The following CDS2 variants were observed in gnomAD, a reference collection of about 807,000 sequenced individuals.
CDS2 encodes phosphatidate cytidylyltransferase 2.
In CDS2, 47 loss-of-function variants were observed where a neutral mutation model predicts 59.0. The observed-to-expected ratio is 0.80, with a 90% CI of 0.63 to 1.02. The LOEUF is 1.02. Among genes scored for constraint, CDS2 ranks in the 50% least tolerant of loss-of-function variants. The probability of loss-of-function intolerance (pLI) is 0.00; values close to 1 mark genes in which losing one functional copy is unlikely to be tolerated. For synonymous variants in CDS2, 207 were observed against 206.4 expected, an observed-to-expected ratio of 1.00 and a Z score of -0.02; for missense variants, 356 against 558.9, an observed-to-expected ratio of 0.64 and a Z score of 3.66.
At chr20:5,143,511 A>G (rs181254010) in intron 1 of CDS2, among the ~76,000 whole-genome samples, 3 of 152,344 alleles carry the variant, frequency 2.0e-5, no homozygotes, top group East Asian at 1.9e-4. Flanking sequence ...TGTTCTTTGT[A>G]GTAGCCCCAA....
intron 1 of CDS2, among the ~76,000 whole-genome samples, chr20:5,163,631 T>C (rs938960100): frequency 6.6e-6 from 1 of 152,218 alleles, no homozygotes; most frequent in Non-Finnish European, 1.5e-5. Flanking sequence ...ACTTTTTGTT[T>C]ATTATTTTAA....
At chr20:5,168,537 C>T (rs989928395) in intron 1 of CDS2, 6 of 502,680 alleles carry the variant, frequency 1.2e-5, no homozygotes, top group Admixed American at 1.0e-4. Context: ...TGGGCACAGC[C>T]ACACTTTTTT....
chr20:5,142,034 T>C (rs2090698651), intron 1 of CDS2, among the ~76,000 whole-genome samples: 1 of 152,232 alleles, frequency 6.6e-6, no homozygotes, highest in Non-Finnish European at 1.5e-5. Flanking sequence ...TAAAAGACTT[T>C]AGGTGCTGGT....
chr20:5,138,697 G>C (rs2090668293), intron 1 of CDS2, among the ~76,000 whole-genome samples: 1 of 151,970 alleles, frequency 6.6e-6, no homozygotes, highest in African/African-American at 2.4e-5. Flanking sequence ...CACTGGCCAG[G>C]CTGGTGTCGA....
At chr20:5,130,858 G>T (rs1364152223) in intron 1 of CDS2, among the ~76,000 whole-genome samples, 1 of 151,968 alleles carries the variant, frequency 6.6e-6, no homozygotes, top group African/African-American at 2.4e-5. Context: ...TTGGGAGGAC[G>T]AGGCGGGTGG....
At position 5,145,822 on chromosome 20, in the gene CDS2, G is replaced by GTT. The variant is rs11470811; in HGVS notation, c.57+18691_57+18692dup. ...CCAAGTTGTGTGTTTTGCTTTTTGT[G>GTT]TTTTTTTTTTTTTTTTTTTGAGACA... On this transcript the variant is annotated intron_variant, in intron 1 of 12. Transcript: ENST00000460006. Among the ~76,000 whole-genome samples the GTT allele has an allele frequency of 2.2e-3, 287 of 129,246 alleles. 2 individuals are homozygous for GTT. Among genetic ancestry groups the GTT allele is most frequent in the South Asian group, 4.5e-3 (18 of 4,012 alleles). 84.8% of individuals were successfully genotyped at this position (129,246 alleles called of 152,430 possible).
chr20:5,145,247 C>T (rs866385395), intron 1 of CDS2, among the ~76,000 whole-genome samples: 3 of 118,502 alleles, frequency 2.5e-5, no homozygotes, highest in Non-Finnish European at 5.3e-5. Flanking sequence ...CCCCCCCCCC[C>T]GCCCCCGCCA....
intron 5 of CDS2, among the ~76,000 whole-genome samples, chr20:5,179,516 C>A (rs575206147): frequency 2.9e-4 from 44 of 152,340 alleles, no homozygotes; most frequent in African/African-American, 9.9e-4. Flanking sequence ...AGGAACAGCA[C>A]AGCATGGTCC....
intron 1 of CDS2, among the ~76,000 whole-genome samples, chr20:5,141,450 T>TG (rs143359277): frequency 0.025 from 3,789 of 152,204 alleles, 53 homozygotes; most frequent in South Asian, 0.037. Flanking sequence ...GAACACATGC[T>TG]GGGGGGGTGG....
intron 2 of CDS2, among the ~76,000 whole-genome samples, chr20:5,174,172 G>C (rs999752647): frequency 1.3e-5 from 2 of 152,164 alleles, no homozygotes; most frequent in Non-Finnish European, 2.9e-5. Context: ...TTGAGAACCT[G>C]GTTCTTTTAA....
intron 3 of CDS2, chr20:5,175,526 G>C: frequency 2.7e-6 from 1 of 370,940 alleles, no homozygotes; most frequent in South Asian, 2.5e-5. Context: ...TGACTTTATT[G>C]CCTGTGATCC....
intron 11 of CDS2, among the ~76,000 whole-genome samples, chr20:5,189,521 A>C (rs921639339): frequency 2.1e-4 from 32 of 152,334 alleles, no homozygotes; most frequent in African/African-American, 7.5e-4. Flanking sequence ...CAACATAGCA[A>C]GACTCCTGTC....
intron 1 of CDS2, among the ~76,000 whole-genome samples, chr20:5,139,957 G>T (rs751775142): frequency 2.6e-5 from 4 of 152,098 alleles, no homozygotes; most frequent in South Asian, 4.1e-4. Flanking sequence ...CTGCCACCAC[G>T]CCCAGCTAAT....
At chr20:5,132,976 T>A (rs6053137) in intron 1 of CDS2, among the ~76,000 whole-genome samples, 32,261 of 150,218 alleles carry the variant, frequency 0.21, 6,081 homozygotes, top group African/African-American at 0.51. Flanking sequence ...ATTGAGACCA[T>A]CCTGGCTAAG....
intron 1 of CDS2, among the ~76,000 whole-genome samples, chr20:5,165,606 T>C (rs1333741100): frequency 6.6e-6 from 1 of 152,110 alleles, no homozygotes; most frequent in African/African-American, 2.4e-5. Context: ...TGGAATGCAG[T>C]GGCATGATCA....
At chr20:5,148,578 T>C (rs923306648) in intron 1 of CDS2, among the ~76,000 whole-genome samples, 19 of 152,302 alleles carry the variant, frequency 1.2e-4, no homozygotes, top group Admixed American at 5.9e-4. Flanking sequence ...AAATGAGTCT[T>C]TAGTCCCTTC....
At chr20:5,129,812 T>G (rs1019471740) in intron 1 of CDS2, among the ~76,000 whole-genome samples, 1 of 150,514 alleles carries the variant, frequency 6.6e-6, no homozygotes. Context: ...AACTCCTGAC[T>G]TCGTGATCTG....
chr20:5,127,716 G>C (rs898501688), intron 1 of CDS2, among the ~76,000 whole-genome samples: 3 of 152,208 alleles, frequency 2.0e-5, no homozygotes, highest in African/African-American at 7.2e-5. Context: ...GCGTCCTCCC[G>C]GTTGATGGGT....
rs747210310 is a variant in CDS2, at chr20:5,192,762, T to G, written c.*2528T>G. ...ATTCATGAATACTGCATAGTCCTGA[T>G]TCAGAGACTTTTGCTTTGCTTTCCA... On this transcript the variant is annotated 3_prime_UTR_variant, in exon 13 of 13. Coordinates refer to ENST00000460006, the MANE Select transcript of CDS2 (RefSeq NM_003818.4). 1 of 152,226 alleles carries G rather than the reference T, an allele frequency of 6.6e-6. No individual in the cohort carries two copies. The highest frequency in any genetic ancestry group is 1.5e-5 in the Non-Finnish European group (1 of 68,046). The allele number at this position is 152,226 out of a possible 1,614,324, so 9.4% of individuals were successfully genotyped here.
Sources: gnomAD v4.1 joint callset for allele counts (sites outside exome capture counted in the v4.1 genomes callset) on GRCh38, gnomAD v4.1.1 for gene constraint, MANE v1.5 for transcripts, NCBI Gene and HGNC (gene_info 2026-07-23, HGNC 2026-07-21) for gene names.